The following ASXL3 variants were observed in gnomAD, a reference collection of about 807,000 sequenced individuals.
ASXL3 encodes the protein ASXL transcriptional regulator 3, also known as putative Polycomb group protein ASXL3.
In ASXL3, 34 loss-of-function variants were observed where a neutral mutation model predicts 170.6. The observed-to-expected ratio is 0.20, with a 90% CI of 0.15 to 0.27. The LOEUF (loss-of-function observed/expected upper bound fraction) is 0.27. Among genes scored for constraint, ASXL3 ranks in the 10% least tolerant of loss-of-function variants. ASXL3 has a pLI of 1.00. For missense variants in ASXL3, 2,592 were observed against 2,695.3 expected (o/e 0.96, Z 0.85); for synonymous variants, 1,002 against 989.1 (o/e 1.01, Z -0.24).
At chr18:33,724,789 C>T (rs974312990) in intron 8 of ASXL3, among the ~76,000 whole-genome samples, 1 of 152,016 alleles carries the variant, frequency 6.6e-6, no homozygotes, top group Admixed American at 6.6e-5. Context: ...ACCTATTTTG[C>T]AAAACACAAT....
rs570649910 is a variant in ASXL3, at chr18:33,745,956, C to A, written c.6108C>A (p.Pro2036=). The part of the protein sequence containing the change: ...PPPLALPPPP[P]PPPPLPPPLP... ...CCTTGGCTTTGCCCCCGCCTCCCCCCCCACCACCTCCGCTACCTCCACCTC... is the reference window on the plus strand; with the variant it reads ...CCTTGGCTTTGCCCCCGCCTCCCCCACCACCACCTCCGCTACCTCCACCTC... The change falls in exon 12 of 12, where the codon CCC becomes CCA. Residue 2036 remains proline, a synonymous_variant. Coordinates refer to ENST00000269197, the MANE Select transcript of ASXL3 (RefSeq NM_030632.3). 30 of 1,536,024 alleles carry A rather than the reference C, an allele frequency of 2.0e-5. 1 individual carries two copies. Among genetic ancestry groups the A allele is most frequent in the Middle Eastern group, 1.8e-4 (1 of 5,406 alleles).
At chr18:33,682,941 A>C (rs569460753) in intron 7 of ASXL3, among the ~76,000 whole-genome samples, 1 of 152,314 alleles carries the variant, frequency 6.6e-6, no homozygotes, top group Non-Finnish European at 1.5e-5. Flanking sequence ...TGCTTAGTGC[A>C]CTGCCTGACA....
Position 33,745,591 on chromosome 18 carries a change from A to C in ASXL3, c.5743A>C (p.Lys1915Gln). ...SFQQNLFHVD[K>Q]NGGFHTDAGT... The stretch of plus-strand genomic sequence containing the variant: ...CCAGCAGAACCTATTTCATGTTGAC[A>C]AGAATGGCGGCTTCCACACTGACGC... Residue 1915 changes from lysine to glutamine, a missense_variant, in exon 12 of 12, where the codon AAG becomes CAG. Transcript: ENST00000269197. 6 of 1,614,000 alleles carry C rather than the reference A, an allele frequency of 3.7e-6. No individual in the cohort carries two copies. Among genetic ancestry groups the C allele is most frequent in the Non-Finnish European group, 4.2e-6 (5 of 1,179,892 alleles).
rs1361270539 is a variant in ASXL3 at position 33,749,208 on chromosome 18, C to G, written c.*2613C>G. Reference sequence around the variant, plus strand: ...AGAAATTTAGATGTAAAATGTGGGTCAGATATTTTATAGGTTTCCATTTAA... The same window carrying G: ...AGAAATTTAGATGTAAAATGTGGGTGAGATATTTTATAGGTTTCCATTTAA... On this transcript the variant is annotated 3_prime_UTR_variant, in exon 12 of 12. Coordinates refer to ENST00000269197, the MANE Select transcript of ASXL3 (RefSeq NM_030632.3). 6.6e-6 allele frequency: 1 copy of G among 151,298 alleles called. No homozygotes were observed. The highest frequency in any genetic ancestry group is 1.9e-4 in the East Asian group (1 of 5,134). The allele number at this position is 151,298 out of a possible 1,614,324, so 9.4% of individuals were successfully genotyped here. A position where few individuals can be genotyped will look rare whatever the true frequency, so the allele number is the denominator to read the frequency against.
At chr18:33,647,829 T>C (rs188153945) in intron 4 of ASXL3, among the ~76,000 whole-genome samples, 10 of 152,056 alleles carry the variant, frequency 6.6e-5, no homozygotes, top group Admixed American at 5.3e-4. Flanking sequence ...TATTCAGTGG[T>C]GACAAGTGAT....
chr18:33,579,807 A>C (rs1358779863), intron 1 of ASXL3, among the ~76,000 whole-genome samples: 2 of 151,918 alleles, frequency 1.3e-5, no homozygotes, highest in Non-Finnish European at 2.9e-5. Flanking sequence ...AGCAGACTGC[A>C]TGCAGCGGGG....
At chr18:33,711,681 G>C (rs2067066596) in intron 8 of ASXL3, among the ~76,000 whole-genome samples, 1 of 152,142 alleles carries the variant, frequency 6.6e-6, no homozygotes, top group South Asian at 2.1e-4. Flanking sequence ...CACAGATCCT[G>C]TGAGTCCTGT....
At chr18:33,602,024 A>C (rs1236621676) in intron 1 of ASXL3, among the ~76,000 whole-genome samples, 1 of 151,544 alleles carries the variant, frequency 6.6e-6, no homozygotes, top group Admixed American at 6.6e-5. Flanking sequence ...TTGGTCTCGA[A>C]CTCCTGGGCT....
rs765815936 is a variant in ASXL3, at chr18:33,743,902, A to G, written c.4054A>G (p.Asn1352Asp). 78 of 1,613,910 alleles carry G rather than the reference A, an allele frequency of 4.8e-5. No homozygotes were observed. The highest frequency in any genetic ancestry group is 1.3e-4 in the Admixed American group (8 of 60,008). The change falls in exon 12 of 12, where the codon AAC (asparagine) becomes GAC (aspartate). Residue 1352 changes from asparagine (N) to aspartate (D), a missense_variant. This residue lies in a region of ASXL3 where 2,246 missense variants were observed against 2,219.6 expected (regional missense o/e 1.01). Coordinates refer to ENST00000269197, the MANE Select transcript of ASXL3 (RefSeq NM_030632.3). ...TCCCTCCATCGGAAACAATTTGCCA[A>G]ACCTCTCCACTAGCTCTGTCTTGAT... is the stretch of plus-strand genomic sequence containing the variant. ...PTPSIGNNLP[N>D]LSTSSVLIPP... is the part of the protein sequence containing the mutation.
At position 33,638,310 on chromosome 18, in the gene ASXL3, G is replaced by A. The variant is rs117952705; in HGVS notation, c.138-6584G>A. Among the ~76,000 whole-genome samples the A allele has an allele frequency of 1.1e-3, 166 of 151,732 alleles. 2 individuals carry two copies. The East Asian group carries it at 0.028, about 25-fold the overall frequency. ...ATTCCTGATCTCAAGCCATTCTTTC[G>A]CCTCTGCCGCACAAAATGTTGGGAT... On this transcript the variant is annotated intron_variant, in intron 2 of 11. Transcript: ENST00000269197.
At chr18:33,666,112 T>C (rs1194394809) in intron 5 of ASXL3, among the ~76,000 whole-genome samples, 2 of 152,140 alleles carry the variant, frequency 1.3e-5, no homozygotes, top group Non-Finnish European at 2.9e-5. Flanking sequence ...TGAAGGTACA[T>C]TCCTTCATAG....
chr18:33,644,176 T>G (rs1333568531), intron 2 of ASXL3, among the ~76,000 whole-genome samples: 1 of 151,924 alleles, frequency 6.6e-6, no homozygotes, highest in Admixed American at 6.6e-5. Context: ...GCTGTTTGAT[T>G]TCTTTAAAAA....
chr18:33,622,895 A>T (rs927656711), intron 2 of ASXL3, among the ~76,000 whole-genome samples: 1 of 152,212 alleles, frequency 6.6e-6, no homozygotes, highest in Non-Finnish European at 1.5e-5. Flanking sequence ...AACTGTAGGG[A>T]AGGGTCCTTC....
chr18:33,608,190 A>G (rs767231348), intron 2 of ASXL3, among the ~76,000 whole-genome samples: 1 of 151,940 alleles, frequency 6.6e-6, no homozygotes, highest in Non-Finnish European at 1.5e-5. Context: ...GTTATGTTAT[A>G]TTCACAAAGT....
chr18:33,682,109 C>T (rs1167515884), intron 7 of ASXL3, among the ~76,000 whole-genome samples: 1 of 152,134 alleles, frequency 6.6e-6, no homozygotes, highest in Non-Finnish European at 1.5e-5. Flanking sequence ...TGTCAAGGGC[C>T]AGCGAGTAAA....
chr18:33,596,078 G>A (rs1465465909), intron 1 of ASXL3, among the ~76,000 whole-genome samples: 1 of 151,894 alleles, frequency 6.6e-6, no homozygotes, highest in Non-Finnish European at 1.5e-5. Context: ...CTAGTTACTG[G>A]AAATATAGCA....
intron 2 of ASXL3, among the ~76,000 whole-genome samples, chr18:33,612,184 C>CATATATAT (rs112285121): frequency 1.3e-3 from 189 of 150,014 alleles, no homozygotes; most frequent in Middle Eastern, 6.8e-3. Flanking sequence ...TAAAATTAAA[C>CATATATAT]ATATATATAT....
Position 33,744,887 on chromosome 18 carries a change from G to A in ASXL3, c.5039G>A (p.Arg1680Lys), listed in dbSNP as rs759059939. 8 of 1,614,030 alleles carry A rather than the reference G, an allele frequency of 5.0e-6. No individual in the cohort carries two copies. The highest frequency in any genetic ancestry group is 4.4e-5 in the South Asian group (4 of 91,084). ...CTTCACGAAGCAGACAAGGGCTTTA[G>A]AATGGACACTGAAGACTTCCCTGGC... Reference protein sequence around the residue: ...SELHEADKGFRMDTEDFPGPE... With the variant: ...SELHEADKGFKMDTEDFPGPE... The change falls in exon 12 of 12, where the codon AGA (arginine) becomes AAA (lysine). Residue 1680 changes from arginine to lysine, a missense_variant. Arg to Lys is a conservative substitution (Grantham distance 26, BLOSUM62 2). Coordinates refer to ENST00000269197, the MANE Select transcript of ASXL3 (RefSeq NM_030632.3).
Position 33,738,516 on chromosome 18 carries a change from A to G in ASXL3, c.1112A>G (p.Lys371Arg). The G allele has an allele frequency of 6.2e-7, 1 of 1,611,894 alleles. No homozygotes were observed. The highest frequency in any genetic ancestry group is 8.5e-7 in the Non-Finnish European group (1 of 1,178,720). The stretch of plus-strand genomic sequence containing the variant: ...GGCATGTCAAGAGAGGAATCTGTGA[A>G]GCTCACTACTGGACCAAACAACGCT... ...KLGMSREESV[K>R]LTTGPNNAGA... Residue 371 changes from lysine (K) to arginine (R), a missense_variant, in exon 11 of 12, where the codon AAG (lysine) becomes AGG (arginine). Coordinates refer to ENST00000269197, the MANE Select transcript of ASXL3 (RefSeq NM_030632.3).
Sources: gnomAD v4.1 joint callset for allele counts (sites outside exome capture counted in the v4.1 genomes callset) on GRCh38, gnomAD v4.1.1 for gene constraint, gnomAD v4.1.1 regional missense constraint, MANE v1.5 for transcripts, NCBI Gene and HGNC (gene_info 2026-07-23, HGNC 2026-07-21) for gene names.